Variants in TBC1D5 observed in about 807,000 individuals in gnomAD.
The protein encoded by TBC1D5 is TBC1 domain family member 5.
In TBC1D5, 75 loss-of-function variants were observed where a neutral mutation model predicts 100.3. The ratio of observed to expected loss-of-function variants is 0.75; its 90% CI spans 0.62 to 0.91. The LOEUF is 0.91. TBC1D5 is among the 40% of genes least tolerant of loss of function. TBC1D5 has a pLI of 0.00. For synonymous variants in TBC1D5, 323 were observed against 325.6 expected, an observed-to-expected ratio of 0.99 and a Z score of 0.09; for missense variants, 910 against 942.4, an observed-to-expected ratio of 0.97 and a Z score of 0.45.
rs143027326 is a variant in TBC1D5, at chr3:17,275,745, A to G, written c.1245+16150T>C. Reference sequence around the variant, plus strand: ...GCAGAGAAGAGTCAAAGAGGCACATATGGGCAAAGCCAGTGGGAAAGACGG... The same window carrying G: ...GCAGAGAAGAGTCAAAGAGGCACATGTGGGCAAAGCCAGTGGGAAAGACGG... On this transcript the variant is annotated intron_variant, in intron 15 of 21. Transcript: ENST00000253692. Among the ~76,000 whole-genome samples, 17 of 152,338 alleles carry G rather than the reference A, an allele frequency of 1.1e-4. No homozygotes were observed. In the East Asian group the frequency reaches 3.3e-3, roughly 29 times the overall value.
At chr3:17,222,205 T>A (rs2074364996) in intron 17 of TBC1D5, among the ~76,000 whole-genome samples, 1 of 152,208 alleles carries the variant, frequency 6.6e-6, no homozygotes, top group Admixed American at 6.5e-5. Context: ...GTTTAGATAT[T>A]TTACAGTCTT....
intron 18 of TBC1D5, among the ~76,000 whole-genome samples, chr3:17,196,586 G>A (rs1387642522): frequency 6.6e-6 from 1 of 152,228 alleles, no homozygotes; most frequent in Non-Finnish European, 1.5e-5. Flanking sequence ...AGGGAGAAGG[G>A]CTCCTGCAGA....
chr3:17,667,952 A>T, intron 1 of TBC1D5, among the ~76,000 whole-genome samples: 1 of 151,766 alleles, frequency 6.6e-6, no homozygotes, highest in East Asian at 1.9e-4. Flanking sequence ...ATTTAATAAA[A>T]CCATAAACAA....
intron 15 of TBC1D5, 139 bp downstream of exon 15, chr3:17,291,754 CTA>C: frequency 1.4e-6 from 1 of 724,306 alleles, no homozygotes; most frequent in East Asian, 2.8e-5. Context: ...GGGTTTTGGC[CTA>C]CAACTTTAGG....
At chr3:17,639,902 C>T (rs544076211) in intron 1 of TBC1D5, among the ~76,000 whole-genome samples, 1 of 152,270 alleles carries the variant, frequency 6.6e-6, no homozygotes, top group South Asian at 2.1e-4. Context: ...TGAAACTGCC[C>T]TATGGCTAAG....
intron 16 of TBC1D5, among the ~76,000 whole-genome samples, chr3:17,243,842 T>C (rs762696403): frequency 6.6e-5 from 10 of 152,254 alleles, no homozygotes; most frequent in Middle Eastern, 3.4e-3. Context: ...AGATGAGTCC[T>C]CACACTGCAG....
intron 1 of TBC1D5, among the ~76,000 whole-genome samples, chr3:17,716,793 T>A (rs2075274219): frequency 6.6e-6 from 1 of 152,134 alleles, no homozygotes; most frequent in African/African-American, 2.4e-5. Context: ...AATGAAATAT[T>A]TGTAGAGCAG....
At chr3:17,162,643 C>T (rs1459023441) in intron 21 of TBC1D5, among the ~76,000 whole-genome samples, 1 of 149,898 alleles carries the variant, frequency 6.7e-6, no homozygotes, top group East Asian at 1.9e-4. Context: ...AAACATAGCA[C>T]ACGGTAGTCT....
At chr3:17,429,860 G>A (rs180873561) in intron 3 of TBC1D5, among the ~76,000 whole-genome samples, 231 of 151,964 alleles carry the variant, frequency 1.5e-3, no homozygotes, top group African/African-American at 5.3e-3. Flanking sequence ...GAAGTGGACT[G>A]AGCCTGCTTA....
chr3:17,259,011 GA>G (rs2078021542), intron 15 of TBC1D5, among the ~76,000 whole-genome samples: 1 of 152,166 alleles, frequency 6.6e-6, no homozygotes, highest in Non-Finnish European at 1.5e-5. Flanking sequence ...TTTATGACCA[GA>G]ATGCTAAATG....
At chr3:17,231,482 C>T (rs2075411488) in intron 17 of TBC1D5, among the ~76,000 whole-genome samples, 1 of 151,808 alleles carries the variant, frequency 6.6e-6, no homozygotes, top group African/African-American at 2.4e-5. Context: ...AAGATACAGA[C>T]ATAAAATTTC....
At chr3:17,633,315 A>G (rs1157345043) in intron 1 of TBC1D5, among the ~76,000 whole-genome samples, 2 of 152,056 alleles carry the variant, frequency 1.3e-5, no homozygotes, top group African/African-American at 2.4e-5. Context: ...GTGCACACCT[A>G]TAAATCCCAG....
At chr3:17,646,294 C>CT (rs2065008160) in intron 1 of TBC1D5, among the ~76,000 whole-genome samples, 1 of 152,136 alleles carries the variant, frequency 6.6e-6, no homozygotes, top group African/African-American at 2.4e-5. Flanking sequence ...TTAGCCTACA[C>CT]TTTGATTTCT....
intron 13 of TBC1D5, chr3:17,333,004 A>T (rs1322266797): frequency 2.6e-5 from 4 of 152,240 alleles, no homozygotes; most frequent in African/African-American, 4.8e-5. Flanking sequence ...GTGTTTTAAC[A>T]TGTGTTTCTT....
intron 3 of TBC1D5, among the ~76,000 whole-genome samples, chr3:17,442,849 T>C (rs1374186533): frequency 4.1e-5 from 6 of 148,028 alleles, no homozygotes; most frequent in African/African-American, 1.5e-4. Context: ...GAGTTGGTAA[T>C]GGGAAGGAAG....
chr3:17,289,672 G>A (rs1403757324), intron 15 of TBC1D5, among the ~76,000 whole-genome samples: 1 of 151,078 alleles, frequency 6.6e-6, no homozygotes, highest in Admixed American at 6.6e-5. Context: ...GACAAAGGAT[G>A]TTCTGCTTAC....
intron 16 of TBC1D5, among the ~76,000 whole-genome samples, chr3:17,248,805 G>A (rs889122912): frequency 2.6e-5 from 4 of 152,156 alleles, no homozygotes; most frequent in African/African-American, 9.7e-5. Context: ...GTCCTTTGCA[G>A]CATCTTCCAG....
chr3:17,731,603 A>T (rs182323685), intron 1 of TBC1D5, among the ~76,000 whole-genome samples: 312 of 152,258 alleles, frequency 2.0e-3, no homozygotes, highest in African/African-American at 7.3e-3. Flanking sequence ...GTGAGAGCTT[A>T]AAAAGATTAC....
At chr3:17,226,567 T>C (rs1446074074) in intron 17 of TBC1D5, among the ~76,000 whole-genome samples, 2 of 152,096 alleles carry the variant, frequency 1.3e-5, no homozygotes, top group East Asian at 3.9e-4. Flanking sequence ...TACCTGGGAA[T>C]TAACTCCAAT....
Sources: allele counts gnomAD v4.1 joint callset (sites outside exome capture counted in the v4.1 genomes callset), GRCh38; gene constraint gnomAD v4.1.1; transcripts MANE v1.5; gene names NCBI Gene and HGNC (gene_info 2026-07-23, HGNC 2026-07-21).